The following TMEM132B variants were observed in gnomAD, a reference collection of about 807,000 sequenced individuals.
TMEM132B encodes the protein transmembrane protein 132B.
In TMEM132B, 18 loss-of-function variants were observed where a neutral mutation model predicts 90.8. The ratio of observed to expected loss-of-function variants is 0.20; its 90% CI spans 0.14 to 0.29. The LOEUF is 0.29. Ranked by LOEUF, TMEM132B falls within the 10% of genes least tolerant of loss-of-function variation. TMEM132B has a pLI of 1.00. For missense variants in TMEM132B, 1,096 were observed against 1,326.8 expected (o/e 0.83, Z 2.70); for synonymous variants, 504 against 523.3 (o/e 0.96, Z 0.50).
chr12:125,546,163 C>G (rs1199837579), intron 4 of TMEM132B, among the ~76,000 whole-genome samples: 1 of 151,982 alleles, frequency 6.6e-6, no homozygotes, highest in East Asian at 1.9e-4. Context: ...CCAATCCCAG[C>G]TCCAGGCAAG....
intron 2 of TMEM132B, among the ~76,000 whole-genome samples, chr12:125,365,572 AT>A (rs372982556): frequency 3.1e-3 from 475 of 151,974 alleles, no homozygotes; most frequent in African/African-American, 0.011. Flanking sequence ...TCTCTTGGCA[AT>A]TTTTTGAAGT....
intron 2 of TMEM132B, among the ~76,000 whole-genome samples, chr12:125,414,300 T>G (rs374998477): frequency 8.5e-5 from 13 of 152,174 alleles, no homozygotes; most frequent in East Asian, 3.8e-4. Context: ...TCTTTTTGTT[T>G]TCATTCACTT....
chr12:125,199,555 G>T (rs1347393565), intron 1 of TMEM132B, among the ~76,000 whole-genome samples: 2 of 152,176 alleles, frequency 1.3e-5, no homozygotes, highest in Admixed American at 1.3e-4. Flanking sequence ...GATGTACTGT[G>T]CATATCTGTT....
At chr12:125,291,711 A>C (rs918352997) in intron 1 of TMEM132B, among the ~76,000 whole-genome samples, 1 of 152,206 alleles carries the variant, frequency 6.6e-6, no homozygotes, top group Admixed American at 6.5e-5. Context: ...GAACCCAGAC[A>C]TGATGTGTCT....
At chr12:125,523,344 A>T (rs895525823) in intron 4 of TMEM132B, among the ~76,000 whole-genome samples, 1 of 152,126 alleles carries the variant, frequency 6.6e-6, no homozygotes, top group Non-Finnish European at 1.5e-5. Context: ...TCTAGAGGCC[A>T]TCAGCTTTCC....
intron 5 of TMEM132B, chr12:125,587,189 A>AT (rs1885198104): frequency 7.8e-6 from 1 of 128,308 alleles, no homozygotes; most frequent in Non-Finnish European, 1.7e-5. Context: ...GTTAAAAAAA[A>AT]AAAAAACAAG....
intron 1 of TMEM132B, among the ~76,000 whole-genome samples, chr12:125,336,653 C>T (rs1477968105): frequency 1.3e-5 from 2 of 152,240 alleles, no homozygotes; most frequent in Non-Finnish European, 2.9e-5. Flanking sequence ...CATGCAGTTG[C>T]ACGATAACAA....
intron 2 of TMEM132B, among the ~76,000 whole-genome samples, chr12:125,404,325 G>A (rs943682225): frequency 2.0e-5 from 3 of 152,106 alleles, no homozygotes; most frequent in African/African-American, 7.2e-5. Flanking sequence ...TCTGGCAAAC[G>A]GAGACATTTG....
At chr12:125,501,599 A>C (rs1882697990) in intron 3 of TMEM132B, among the ~76,000 whole-genome samples, 1 of 151,506 alleles carries the variant, frequency 6.6e-6, no homozygotes, top group Admixed American at 6.6e-5. Flanking sequence ...CTCATTGTTC[A>C]GCTCCCACTT....
intron 2 of TMEM132B, among the ~76,000 whole-genome samples, chr12:125,364,741 T>C (rs1056166010): frequency 6.6e-6 from 1 of 152,124 alleles, no homozygotes; most frequent in African/African-American, 2.4e-5. Context: ...ACTTTATTTC[T>C]TAGTATTTTA....
chr12:125,503,448 GA>G (rs1443726850), intron 3 of TMEM132B, among the ~76,000 whole-genome samples: 1 of 152,182 alleles, frequency 6.6e-6, no homozygotes, highest in Non-Finnish European at 1.5e-5. Flanking sequence ...CAGAGGGCCT[GA>G]CATGGTGCTG....
intron 1 of TMEM132B, among the ~76,000 whole-genome samples, chr12:125,343,952 CAG>C (rs1052212230): frequency 3.9e-4 from 59 of 152,308 alleles, no homozygotes; most frequent in African/African-American, 1.3e-3. Flanking sequence ...AGAAGGAACA[CAG>C]AGAGATTTAT....
intron 1 of TMEM132B, among the ~76,000 whole-genome samples, chr12:125,201,436 C>T (rs1460206766): frequency 1.3e-5 from 2 of 152,248 alleles, no homozygotes; most frequent in Admixed American, 1.3e-4. Context: ...TCTTTCTTCA[C>T]GAAAGATTTA....
At chr12:125,628,451 T>G (rs11613135) in intron 5 of TMEM132B, among the ~76,000 whole-genome samples, 86,179 of 151,984 alleles carry the variant, frequency 0.57, 25,925 homozygotes, top group African/African-American at 0.78. Context: ...CTTCTTTTGA[T>G]AAATGGCTAT....
In TMEM132B at chr12:125,515,819, C is replaced by T. The variant is rs114996643; in HGVS notation, c.1107-3620C>T. On this transcript the variant is annotated intron_variant, in intron 3 of 8. Transcript: ENST00000682704. ...CACACAAATACACATTCTATCAACA[C>T]ATTCACACATTCTGTCACACACACA... 9.1e-3 allele frequency among the ~76,000 whole-genome samples: 1,372 copies of T among 151,584 alleles called. 22 individuals carry two copies. The highest frequency in any genetic ancestry group is 0.032 in the African/African-American group (1,333 of 41,276).
chr12:125,283,384 TC>T (rs1875254141), intron 1 of TMEM132B, among the ~76,000 whole-genome samples: 1 of 152,170 alleles, frequency 6.6e-6, no homozygotes, highest in Non-Finnish European at 1.5e-5. Context: ...TATTTTCAAC[TC>T]ATGAAAATTA....
chr12:125,314,502 T>G (rs1349521673), intron 1 of TMEM132B, among the ~76,000 whole-genome samples: 1 of 152,190 alleles, frequency 6.6e-6, no homozygotes, highest in East Asian at 1.9e-4. Context: ...CTTCCTGGGT[T>G]TCTTGTGCTG....
At chr12:125,582,396 A>G (rs1885074248) in intron 4 of TMEM132B, among the ~76,000 whole-genome samples, 1 of 152,134 alleles carries the variant, frequency 6.6e-6, no homozygotes, top group Non-Finnish European at 1.5e-5. Flanking sequence ...GAATCCACAT[A>G]GTGCCTGAGC....
At chr12:125,542,486 A>G (rs1883983484) in intron 4 of TMEM132B, among the ~76,000 whole-genome samples, 1 of 152,172 alleles carries the variant, frequency 6.6e-6, no homozygotes, top group East Asian at 1.9e-4. Flanking sequence ...TACCCATTCA[A>G]CACTAACTCC....
Sources: allele counts gnomAD v4.1 joint callset (sites outside exome capture counted in the v4.1 genomes callset), GRCh38; gene constraint gnomAD v4.1.1; transcripts MANE v1.5; gene names NCBI Gene and HGNC (gene_info 2026-07-23, HGNC 2026-07-21).